The following TENM1 variants were observed in gnomAD, a reference collection of about 807,000 sequenced individuals.
TENM1 encodes teneurin transmembrane protein 1, also known as teneurin-1.
Under a neutral mutation model 174.8 loss-of-function variants are expected in TENM1, and 35 were observed. The ratio of observed to expected loss-of-function variants is 0.20; its 90% CI spans 0.15 to 0.27. TENM1 has a LOEUF of 0.27. Among genes scored for constraint, TENM1 ranks in the 10% least tolerant of loss-of-function variants. The probability of loss-of-function intolerance (pLI) is 1.00; values close to 1 mark genes in which losing one functional copy is unlikely to be tolerated. For synonymous variants in TENM1, 781 were observed against 798.7 expected (o/e 0.98, Z 0.37); for missense variants, 1,633 against 2,130.1 (o/e 0.77, Z 4.59).
At chrX:124,879,997 G>A (rs2057276063) in intron 3 of TENM1, among the ~76,000 whole-genome samples, 1 of 111,732 alleles carries the variant, frequency 8.9e-6, no homozygotes, top group African/African-American at 3.2e-5. Flanking sequence ...TTCCAGCTTT[G>A]TTCTTTTTGC....
intron 18 of TENM1, among the ~76,000 whole-genome samples, chrX:124,509,110 C>G (rs1421064797): frequency 9.9e-5 from 11 of 110,879 alleles, no homozygotes; most frequent in Non-Finnish European, 1.5e-4. Context: ...CACACACACA[C>G]AAACACAAAT....
intron 3 of TENM1, among the ~76,000 whole-genome samples, chrX:124,758,287 T>C (rs1448209748): frequency 8.9e-6 from 1 of 112,118 alleles, no homozygotes; most frequent in Non-Finnish European, 1.9e-5. Flanking sequence ...TATGAAAAGA[T>C]ACTCAATGTC....
intron 18 of TENM1, among the ~76,000 whole-genome samples, chrX:124,517,363 G>A (rs906797123): frequency 2.7e-5 from 3 of 109,795 alleles, no homozygotes; most frequent in Admixed American, 9.7e-5. Context: ...ACATGCACAC[G>A]TATGTTTATC....
intron 11 of TENM1, among the ~76,000 whole-genome samples, chrX:124,631,619 G>T (rs1044183007): frequency 6.3e-5 from 7 of 111,201 alleles, no homozygotes; most frequent in African/African-American, 2.0e-4. Context: ...AATGAATCTG[G>T]CTGGATGCAG....
At chrX:124,830,595 G>T (rs913134081) in intron 3 of TENM1, among the ~76,000 whole-genome samples, 2 of 111,675 alleles carry the variant, frequency 1.8e-5, no homozygotes, top group Non-Finnish European at 3.8e-5. Context: ...TGAGATACTT[G>T]GTGATCTCAG....
chrX:124,841,997 C>T (rs1431697543), intron 3 of TENM1, among the ~76,000 whole-genome samples: 2 of 111,729 alleles, frequency 1.8e-5, no homozygotes, highest in African/African-American at 6.5e-5. Flanking sequence ...GAATTGATTC[C>T]CTAGAAATAT....
chrX:124,823,564 G>T (rs2056088868), intron 3 of TENM1, among the ~76,000 whole-genome samples: 1 of 110,582 alleles, frequency 9.0e-6, no homozygotes, highest in Non-Finnish European at 1.9e-5. Flanking sequence ...TTAAAATACA[G>T]AAGTCGAAAT....
At chrX:124,519,632 C>T (rs916611610) in intron 18 of TENM1, among the ~76,000 whole-genome samples, 2 of 111,021 alleles carry the variant, frequency 1.8e-5, no homozygotes, top group African/African-American at 6.6e-5. Context: ...TGCAGGTCTA[C>T]AGACCTGTAT....
At chrX:124,682,854 A>G (rs1300857595) in intron 5 of TENM1, among the ~76,000 whole-genome samples, 1 of 111,576 alleles carries the variant, frequency 9.0e-6, no homozygotes. Flanking sequence ...ATGGGAAGAT[A>G]GGAAAACATG....
chrX:124,652,132 A>C lies in TENM1; in HGVS notation c.1369-8T>G. On this transcript the variant is annotated splice_region_variant and splice_polypyrimidine_tract_variant and intron_variant, in intron 7 of 31. Transcript: ENST00000422452. ...TAGTTTTACAAAATCAAACTGGAAC[A>C]AATACAAACATGAAGATGAGCCACT... The C allele has an allele frequency of 8.3e-7, 1 of 1,208,761 alleles. No homozygotes were observed.
the TENM1 span, among the ~76,000 whole-genome samples, chrX:125,023,960 C>T: frequency 8.9e-6 from 1 of 111,832 alleles, no homozygotes; most frequent in South Asian, 3.7e-4. Context: ...GTATATGTGG[C>T]CAACAAACAG....
intron 11 of TENM1, among the ~76,000 whole-genome samples, chrX:124,634,844 C>T (rs2050841426): frequency 9.0e-6 from 1 of 111,652 alleles, no homozygotes; most frequent in East Asian, 2.8e-4. Context: ...CTCTTACAAC[C>T]TCCTCCTCTA....
At chrX:125,107,905 T>C in the TENM1 span, among the ~76,000 whole-genome samples, 2 of 112,110 alleles carry the variant, frequency 1.8e-5, no homozygotes, top group Non-Finnish European at 3.8e-5. Flanking sequence ...CCTCCTACTA[T>C]TGCCCAAATG....
the TENM1 span, among the ~76,000 whole-genome samples, chrX:125,103,337 G>C: frequency 9.0e-6 from 1 of 111,046 alleles, no homozygotes; most frequent in African/African-American, 3.3e-5. Flanking sequence ...TAAAAGCTGT[G>C]CACATATCTT....
At chrX:124,637,814 C>T (rs1465650112) in intron 11 of TENM1, among the ~76,000 whole-genome samples, 2 of 112,219 alleles carry the variant, frequency 1.8e-5, no homozygotes, top group Admixed American at 9.4e-5. Flanking sequence ...ATGTTTCATC[C>T]TTCTTTGTAT....
At chrX:124,570,454 C>G (rs1395651295) in intron 11 of TENM1, among the ~76,000 whole-genome samples, 1 of 111,121 alleles carries the variant, frequency 9.0e-6, no homozygotes, top group Non-Finnish European at 1.9e-5. Flanking sequence ...AAATCCTAAA[C>G]AAAAATTAAC....
chrX:124,819,364 T>G (rs1419479956), intron 3 of TENM1, among the ~76,000 whole-genome samples: 1 of 111,089 alleles, frequency 9.0e-6, no homozygotes, highest in African/African-American at 3.3e-5. Flanking sequence ...TCCAAAGTGA[T>G]TTTACCCCAT....
intron 11 of TENM1, among the ~76,000 whole-genome samples, chrX:124,588,000 A>C (rs1222868735): frequency 8.9e-6 from 1 of 112,283 alleles, no homozygotes; most frequent in Non-Finnish European, 1.9e-5. Context: ...ATACCATCTC[A>C]CACCAGTTAG....
At chrX:125,139,673 T>C in the TENM1 span, among the ~76,000 whole-genome samples, 3 of 111,103 alleles carry the variant, frequency 2.7e-5, no homozygotes, top group Non-Finnish European at 5.7e-5. Context: ...CCTGGAATAA[T>C]GCATACTAGA....
Sources: gnomAD v4.1 joint callset for allele counts (sites outside exome capture counted in the v4.1 genomes callset) on GRCh38, gnomAD v4.1.1 for gene constraint, MANE v1.5 for transcripts, NCBI Gene and HGNC (gene_info 2026-07-23, HGNC 2026-07-21) for gene names.